TLR6: variants seen among roughly 807,000 people sequenced by gnomAD.
TLR6 encodes toll like receptor 6.
Under a neutral mutation model 16.1 loss-of-function variants are expected in TLR6, and 9 were observed. That is an observed-to-expected ratio of 0.56 (90% CI 0.34 to 0.98). TLR6 has a LOEUF of 0.98. TLR6 is among the 50% of genes least tolerant of loss of function. TLR6 has a pLI of 0.02. For synonymous variants in TLR6, 340 were observed against 338.6 expected (o/e 1.00, Z -0.04); for missense variants, 786 against 921.0 (o/e 0.85, Z 1.90).
chr4:38,829,236 C>A, exon 2 of TLR6: 1 of 1,614,170 alleles, frequency 6.2e-7, no homozygotes, highest in East Asian at 2.2e-5. Flanking sequence ...AGTCTCAAAA[C>A]TGTCAACTCT....
At chr4:38,828,753 A>G in exon 2 of TLR6, 1 of 1,613,800 alleles carries the variant, frequency 6.2e-7, no homozygotes, top group Non-Finnish European at 8.5e-7. Flanking sequence ...TCTGATAAAA[A>G]TTTAATGAAA....
the TLR6 span, among the ~76,000 whole-genome samples, chr4:38,862,590 AT>A: frequency 0.2 from 14,595 of 73,326 alleles, 668 homozygotes; most frequent in Non-Finnish European, 0.25. Context: ...CCCAATCACC[AT>A]TTTTTTTTTT....
exon 2 of TLR6, chr4:38,827,892 C>T (rs772639370): frequency 3.1e-6 from 5 of 1,614,036 alleles, no homozygotes; most frequent in African/African-American, 1.3e-5. Flanking sequence ...AATGGATTGT[C>T]CCCTGCTTTT....
chr4:38,827,131 A>G, exon 2 of TLR6: 26 of 1,606,834 alleles, frequency 1.6e-5, no homozygotes, highest in Non-Finnish European at 2.2e-5. Context: ...ATTTCATATT[A>G]AAAGCGGCTC....
At chr4:38,859,565 C>CTTTTTTTTT (rs372944785), upstream of TLR6, among the ~76,000 whole-genome samples, 1 of 122,132 alleles carries the variant, frequency 8.2e-6, no homozygotes, top group Non-Finnish European at 1.6e-5. Context: ...GATTATTGGC[C>CTTTTTTTTT]TTTTTTTTTT....
chr4:38,828,197 C>T lies in TLR6; in HGVS notation c.1277G>A (p.Trp426Ter), dbSNP rs776765794. 2 of 1,613,858 alleles carry T rather than the reference C, an allele frequency of 1.2e-6. No individual in the cohort carries two copies. The highest frequency in any genetic ancestry group is 2.7e-5 in the African/African-American group (2 of 74,902). Residue 426 changes from tryptophan (W) to a stop codon, truncating the protein, a stop_gained, in exon 2 of 2, where the codon TGG becomes TAG. Coordinates refer to ENST00000436693, the Ensembl canonical transcript of TLR6. LOFTEE classifies it low-confidence loss of function (END_TRUNC). ...ATTTAACACCACTATACTCTCAACC[C>T]AAGTGCAGTTTTCTTTATGTCTACC...
chr4:38,854,763 G>A (rs7681628), intron 1 of TLR6, among the ~76,000 whole-genome samples: 89,724 of 151,916 alleles, frequency 0.59, 27,756 homozygotes, highest in African/African-American at 0.78. Flanking sequence ...ATAACACACA[G>A]AAGATATGAC....
At chr4:38,858,814 G>A (rs62294507), upstream of TLR6, among the ~76,000 whole-genome samples, 4,012 of 28,380 alleles carry the variant, frequency 0.14, 64 homozygotes, top group African/African-American at 0.22. Context: ...AGAGAGAGAG[G>A]GAGAGAGAGA....
chr4:38,861,262 G>A (rs1371464709), upstream of TLR6, among the ~76,000 whole-genome samples: 3 of 151,928 alleles, frequency 2.0e-5, no homozygotes, highest in African/African-American at 7.3e-5. Context: ...TAGCTACATA[G>A]AGACTCTTCC....
intron 1 of TLR6, among the ~76,000 whole-genome samples, chr4:38,837,946 G>A (rs1712022765): frequency 6.6e-6 from 1 of 152,108 alleles, no homozygotes; most frequent in African/African-American, 2.4e-5. Flanking sequence ...GATTTGAATA[G>A]ACATTTCTCA....
At chr4:38,857,765 T>G (rs1713048777), upstream of TLR6, among the ~76,000 whole-genome samples, 3 of 152,196 alleles carry the variant, frequency 2.0e-5, no homozygotes. Context: ...GCTGGCTTCT[T>G]GTGATTCATC....
the TLR6 span, chr4:38,868,042 TG>T: frequency 2.3e-6 from 1 of 426,598 alleles, no homozygotes; most frequent in South Asian, 1.6e-5. Context: ...GGGACCTGCG[TG>T]GGTGCGGGCG....
the TLR6 span, among the ~76,000 whole-genome samples, chr4:38,863,541 T>C: frequency 2.0e-5 from 3 of 152,198 alleles, no homozygotes; most frequent in Non-Finnish European, 4.4e-5. Context: ...TGCCCCCTCT[T>C]GCATCCTTCC....
intron 1 of TLR6, among the ~76,000 whole-genome samples, chr4:38,849,094 A>G (rs1244122112): frequency 6.6e-6 from 1 of 152,238 alleles, no homozygotes; most frequent in Non-Finnish European, 1.5e-5. Context: ...CAGAAACTCT[A>G]CAAGCCAGAA....
intron 1 of TLR6, among the ~76,000 whole-genome samples, chr4:38,847,189 A>T (rs1261761791): frequency 6.6e-6 from 1 of 152,212 alleles, no homozygotes; most frequent in African/African-American, 2.4e-5. Context: ...ATAGGTATTT[A>T]AAAAATACTT....
intron 1 of TLR6, among the ~76,000 whole-genome samples, chr4:38,853,577 G>T (rs991028744): frequency 6.6e-6 from 1 of 152,098 alleles, no homozygotes; most frequent in African/African-American, 2.4e-5. Flanking sequence ...ACAATAAAGT[G>T]GCCGTCACAA....
At chr4:38,868,048 CG>C in the TLR6 span, 1 of 424,142 alleles carries the variant, frequency 2.4e-6, no homozygotes, top group Non-Finnish European at 4.8e-6. Context: ...TGCGTGGGTG[CG>C]GGCGTGTGAG....
At chr4:38,826,905 T>C in exon 2 of TLR6, 2 of 556,538 alleles carry the variant, frequency 3.6e-6, no homozygotes, top group Admixed American at 3.4e-5. Context: ...GGGCTGTCTC[T>C]AACTGGCAGG....
At chr4:38,851,867 T>C (rs1935265391) in intron 1 of TLR6, among the ~76,000 whole-genome samples, 1 of 152,130 alleles carries the variant, frequency 6.6e-6, no homozygotes, top group South Asian at 2.1e-4. Context: ...TTCACAGAAC[T>C]GGAAAAAACT....
Sources: allele counts gnomAD v4.1 joint callset (sites outside exome capture counted in the v4.1 genomes callset), GRCh38; gene constraint gnomAD v4.1.1; transcripts MANE v1.5; gene names NCBI Gene and HGNC (gene_info 2026-07-23, HGNC 2026-07-21).